Variants in EFCAB13 observed in about 807,000 individuals in gnomAD.
EFCAB13 encodes the protein EF-hand calcium-binding domain-containing protein 13.
Under a neutral mutation model 110.2 loss-of-function variants are expected in EFCAB13, and 91 were observed. That is an observed-to-expected ratio of 0.83 (90% CI 0.70 to 0.98). The LOEUF (loss-of-function observed/expected upper bound fraction) is 0.98. Ranked by LOEUF, EFCAB13 falls within the 50% of genes least tolerant of loss-of-function variation. EFCAB13 has a pLI of 0.00. For missense variants in EFCAB13, 968 were observed against 1,119.4 expected, an observed-to-expected ratio of 0.86 and a Z score of 1.93; for synonymous variants, 323 against 369.9, an observed-to-expected ratio of 0.87 and a Z score of 1.45.
In EFCAB13 at chr17:47,394,049, A is replaced by G. The variant is rs1236590641; in HGVS notation, c.1751A>G (p.Glu584Gly). The G allele has an allele frequency of 6.4e-7, 1 of 1,554,232 alleles. No individual in the cohort carries two copies. The highest frequency in any genetic ancestry group is 2.3e-5 in the East Asian group (1 of 42,974). The change falls in exon 16 of 25, where the codon GAA becomes GGA. Residue 584 changes from glutamate to glycine, a missense_variant. Coordinates refer to ENST00000331493, the MANE Select transcript of EFCAB13 (RefSeq NM_152347.5). ...GAAACAAAAAAAGTGAATTTTAAAG[A>G]ATTCATTGATACTATGATGAGCAAC... ...AGETKKVNFK[E>G]FIDTMMSNTE...
At chr17:47,375,376 G>A (rs935178182) in intron 12 of EFCAB13, among the ~76,000 whole-genome samples, 2 of 151,924 alleles carry the variant, frequency 1.3e-5, no homozygotes, top group Non-Finnish European at 2.9e-5. Flanking sequence ...CTGCAGCCTC[G>A]ACCTTTTGTG....
In EFCAB13 at chr17:47,397,852, C is replaced by T. The variant is rs569082570; in HGVS notation, c.1945+1875C>T. Among the ~76,000 whole-genome samples the T allele has an allele frequency of 4.1e-3, 616 of 152,094 alleles. 9 individuals carry two copies. The highest frequency in any genetic ancestry group is 0.014 in the African/African-American group (585 of 41,522). Reference sequence around the variant, plus strand: ...CTGAGAAGTGAAGAGCCCCTCCACCCGGCAGTCACCCCGTCTGGGAAGTGA... The same window carrying T: ...CTGAGAAGTGAAGAGCCCCTCCACCTGGCAGTCACCCCGTCTGGGAAGTGA... On this transcript the variant is annotated intron_variant, in intron 17 of 24. Coordinates refer to ENST00000331493, the MANE Select transcript of EFCAB13 (RefSeq NM_152347.5).
chr17:47,432,461 G>A (rs941874441), intron 24 of EFCAB13, among the ~76,000 whole-genome samples: 14 of 151,652 alleles, frequency 9.2e-5, no homozygotes, highest in African/African-American at 2.2e-4. Context: ...GTGTGATAGC[G>A]TGAGCCTGTA....
chr17:47,361,298 A>T, intron 9 of EFCAB13, 80 bp from the exon 10 acceptor site: 1 of 1,312,700 alleles, frequency 7.6e-7, no homozygotes, highest in South Asian at 1.3e-5. Flanking sequence ...ATTTTCCCTT[A>T]GTAGGCTATT....
intron 9 of EFCAB13, among the ~76,000 whole-genome samples, chr17:47,349,775 T>G (rs2065438424): frequency 7.2e-6 from 1 of 139,542 alleles, no homozygotes; most frequent in Non-Finnish European, 1.5e-5. Context: ...TTTTTTTTTT[T>G]TTTTTTTTTT....
At chr17:47,420,447 A>C (rs1598761770) in intron 23 of EFCAB13, among the ~76,000 whole-genome samples, 1 of 134,328 alleles carries the variant, frequency 7.4e-6, no homozygotes. Flanking sequence ...CTGGCTGCCC[A>C]GTCTGGAAAG....
intron 14 of EFCAB13, among the ~76,000 whole-genome samples, chr17:47,388,041 G>A (rs1024194813): frequency 3.9e-5 from 6 of 152,170 alleles, no homozygotes; most frequent in Non-Finnish European, 7.3e-5. Context: ...CCTACAGTGT[G>A]GTACTGCTGA....
At chr17:47,372,141 C>T (rs1268266284) in intron 11 of EFCAB13, among the ~76,000 whole-genome samples, 1 of 151,954 alleles carries the variant, frequency 6.6e-6, no homozygotes, top group Non-Finnish European at 1.5e-5. Context: ...TAATTGTTTT[C>T]TGCTTGTTTC....
chr17:47,357,420 T>G (rs2065487108), intron 9 of EFCAB13, among the ~76,000 whole-genome samples: 1 of 152,146 alleles, frequency 6.6e-6, no homozygotes, highest in Non-Finnish European at 1.5e-5. Flanking sequence ...TGATAATTCA[T>G]TTTGCCTTGA....
chr17:47,397,441 G>T (rs2065746974), intron 17 of EFCAB13, among the ~76,000 whole-genome samples: 1 of 146,188 alleles, frequency 6.8e-6, no homozygotes, highest in Non-Finnish European at 1.5e-5. Context: ...CACCCCGTCT[G>T]GGAAGTGAGG....
intron 9 of EFCAB13, among the ~76,000 whole-genome samples, chr17:47,360,199 A>G (rs1312063699): frequency 1.3e-5 from 2 of 152,196 alleles, no homozygotes; most frequent in Non-Finnish European, 2.9e-5. Flanking sequence ...AGGAATTGCC[A>G]CACTGACTTC....
chr17:47,404,643 T>G lies in EFCAB13; in HGVS notation c.2233+10T>G. ...TTTTCCAATTATATTGGTAAGAGCT[T>G]TATGGTAATACTGTTAGAAGGCAAT... is the stretch of plus-strand genomic sequence containing the variant. On this transcript the variant is annotated intron_variant, in intron 20 of 24. Transcript: ENST00000331493. 6.3e-7 allele frequency: 1 copy of G among 1,596,988 alleles called. No homozygotes were observed. Among genetic ancestry groups the G allele is most frequent in the South Asian group, 1.1e-5 (1 of 90,510 alleles).
At chr17:47,399,004 A>G (rs565973491) in intron 17 of EFCAB13, among the ~76,000 whole-genome samples, 3 of 152,222 alleles carry the variant, frequency 2.0e-5, no homozygotes, top group South Asian at 4.2e-4. Flanking sequence ...GCTCACTGCA[A>G]CCTCTGCCTC....
intron 5 of EFCAB13, among the ~76,000 whole-genome samples, chr17:47,337,674 C>T (rs936213224): frequency 2.0e-5 from 3 of 152,050 alleles, no homozygotes; most frequent in Non-Finnish European, 4.4e-5. Context: ...TTGAGGACTG[C>T]AGCCTGGGAA....
intron 4 of EFCAB13, among the ~76,000 whole-genome samples, chr17:47,330,370 T>C (rs986982948): frequency 6.6e-6 from 1 of 152,102 alleles, no homozygotes; most frequent in Non-Finnish European, 1.5e-5. Context: ...ATGGCTGAAT[T>C]ATACAGTGGT....
At chr17:47,421,539 CTTGT>C (rs1361109311) in intron 23 of EFCAB13, among the ~76,000 whole-genome samples, 3 of 150,860 alleles carry the variant, frequency 2.0e-5, no homozygotes, top group Non-Finnish European at 4.4e-5. Context: ...CCTTTGTTCA[CTTGT>C]TTATCTGCTG....
chr17:47,423,577 G>A, intron 23 of EFCAB13: 1 of 327,310 alleles, frequency 3.1e-6, no homozygotes, highest in Non-Finnish European at 5.5e-6. Context: ...GAACGCCTTT[G>A]TGCCCGGTCC....
chr17:47,399,629 G>A (rs900461799), intron 17 of EFCAB13, among the ~76,000 whole-genome samples: 9 of 151,512 alleles, frequency 5.9e-5, no homozygotes, highest in African/African-American at 2.2e-4. Context: ...TTTTGACCAG[G>A]TTATGTTAAA....
chr17:47,375,707 G>A lies in EFCAB13; in HGVS notation c.1372+741G>A, dbSNP rs528990725. Among the ~76,000 whole-genome samples, 11 of 152,244 alleles carry A rather than the reference G, an allele frequency of 7.2e-5. No homozygotes were observed. In the South Asian group the frequency reaches 2.1e-3, roughly 29 times the overall value. On this transcript the variant is annotated intron_variant, in intron 12 of 24. Transcript: ENST00000331493. ...TAACTTTTCCTGAGAAACTTATTCA[G>A]TGATTAATTGCAATCATTAATATTT...
Sources: allele counts gnomAD v4.1 joint callset (sites outside exome capture counted in the v4.1 genomes callset), GRCh38; gene constraint gnomAD v4.1.1; transcripts MANE v1.5; gene names NCBI Gene and HGNC (gene_info 2026-07-23, HGNC 2026-07-21).